CADM2: variants seen among roughly 807,000 people sequenced by gnomAD.
CADM2 encodes the protein cell adhesion molecule 2, also known as immunoglobulin superfamily member 4D.
In CADM2, 12 loss-of-function variants were observed where a neutral mutation model predicts 49.8. The ratio of observed to expected loss-of-function variants is 0.24; its 90% CI spans 0.15 to 0.39. The LOEUF (loss-of-function observed/expected upper bound fraction) is 0.39. Ranked by LOEUF, CADM2 falls within the 10% of genes least tolerant of loss-of-function variation. The probability of loss-of-function intolerance (pLI) is 1.00; values close to 1 mark genes in which losing one functional copy is unlikely to be tolerated. For synonymous variants in CADM2, 214 were observed against 175.4 expected, an observed-to-expected ratio of 1.22 and a Z score of -1.74; for missense variants, 378 against 492.3, an observed-to-expected ratio of 0.77 and a Z score of 2.20.
intron 1 of CADM2, among the ~76,000 whole-genome samples, chr3:85,022,618 A>G (rs1201345934): frequency 6.6e-6 from 1 of 152,086 alleles, no homozygotes; most frequent in African/African-American, 2.4e-5. Flanking sequence ...TGTGCTAGTG[A>G]TGCCTATTAT....
chr3:85,698,664 A>G (rs1233358262), intron 1 of CADM2, among the ~76,000 whole-genome samples: 1 of 152,128 alleles, frequency 6.6e-6, no homozygotes, highest in Admixed American at 6.5e-5. Context: ...GAACAGCACT[A>G]AAAGGATGGT....
intron 1 of CADM2, among the ~76,000 whole-genome samples, chr3:85,601,124 ATG>A (rs10663541): frequency 4.9e-5 from 3 of 61,650 alleles, no homozygotes; most frequent in Non-Finnish European, 9.5e-5. Flanking sequence ...GCATTTATAT[ATG>A]TGTGTATATA....
rs952597701 is a variant in CADM2 at position 85,959,956 on chromosome 3, A to G, written c.792-1513A>G. Among the ~76,000 whole-genome samples, 5 of 151,856 alleles carry G rather than the reference A, an allele frequency of 3.3e-5. No homozygotes were observed. The East Asian group carries it at 9.8e-4, about 30-fold the overall frequency. ...CATATGACTGTATAAACGTCTTAGG[A>G]GTTTCTTGCCAGGAAACTCTTGCAA... On this transcript the variant is annotated intron_variant, in intron 7 of 9. Coordinates refer to ENST00000383699, the MANE Select transcript of CADM2 (RefSeq NM_001167675.2).
chr3:85,284,977 A>T (rs182906750), intron 1 of CADM2, among the ~76,000 whole-genome samples: 1 of 152,220 alleles, frequency 6.6e-6, no homozygotes, highest in East Asian at 1.9e-4. Flanking sequence ...TTCTAGAGAA[A>T]CATGGCAGTG....
chr3:85,568,473 C>CTCTCTCTTTCTTTCTTTCTT lies in CADM2; in HGVS notation c.62-158046_62-158045insCTCTTTCTTTCTTTCTTTCT, dbSNP rs1310030589. On this transcript the variant is annotated intron_variant, in intron 1 of 9. Transcript: ENST00000383699. ...TTTCTTTCTTTCTTTCTCTTTCTCT[C>CTCTCTCTTTCTTTCTTTCTT]TCTTTCTTTCTTTCTTTCTTTCTTT... Among the ~76,000 whole-genome samples the CTCTCTCTTTCTTTCTTTCTT allele has an allele frequency of 2.6e-3, 71 of 27,616 alleles. 6 individuals carry two copies. Among genetic ancestry groups the CTCTCTCTTTCTTTCTTTCTT allele is most frequent in the South Asian group, 5.6e-3 (4 of 720 alleles). The allele number at this position is 27,616 out of a possible 152,430, so 18.1% of individuals were successfully genotyped here. A position where few individuals can be genotyped will look rare whatever the true frequency, so the allele number is the denominator to read the frequency against.
intron 1 of CADM2, among the ~76,000 whole-genome samples, chr3:85,286,996 A>AAAATATATT (rs2043649003): frequency 6.6e-6 from 1 of 152,168 alleles, no homozygotes; most frequent in Non-Finnish European, 1.5e-5. Context: ...CTCATCACAC[A>AAAATATATT]AAATATATTG....
chr3:85,965,224 A>G (rs1414690409), intron 8 of CADM2, among the ~76,000 whole-genome samples: 7 of 149,888 alleles, frequency 4.7e-5, no homozygotes, highest in African/African-American at 1.5e-4. Context: ...AACTGTATGG[A>G]ATGTTTAAAA....
At chr3:85,290,173 G>A (rs1576290356) in intron 1 of CADM2, among the ~76,000 whole-genome samples, 1 of 152,142 alleles carries the variant, frequency 6.6e-6, no homozygotes, top group Non-Finnish European at 1.5e-5. Context: ...TCAAAGAAAG[G>A]GGTGACAGGC....
chr3:85,726,460 G>C (rs369475708), intron 1 of CADM2, 62 bp from the exon 2 acceptor site: 37 of 1,582,346 alleles, frequency 2.3e-5, no homozygotes, highest in Middle Eastern at 1.7e-4. Context: ...TTTCTTACTA[G>C]AGAATCTGTC....
At chr3:86,062,659 G>T (rs1032145629) in intron 8 of CADM2, among the ~76,000 whole-genome samples, 2 of 88,384 alleles carry the variant, frequency 2.3e-5, no homozygotes, top group African/African-American at 5.4e-5. Flanking sequence ...CTATGGTAGC[G>T]GGGCACCTGT....
intron 8 of CADM2, among the ~76,000 whole-genome samples, chr3:86,032,041 A>AT (rs908419608): frequency 3.3e-5 from 5 of 151,488 alleles, no homozygotes; most frequent in African/African-American, 7.3e-5. Context: ...TAACCAAGAT[A>AT]TTTTTTTCTT....
chr3:85,810,163 G>A (rs1357764787), intron 3 of CADM2, among the ~76,000 whole-genome samples: 2 of 152,022 alleles, frequency 1.3e-5, no homozygotes, highest in Non-Finnish European at 2.9e-5. Context: ...AAGGCTTCTG[G>A]TTAAGAGCTA....
intron 1 of CADM2, among the ~76,000 whole-genome samples, chr3:85,229,685 G>T (rs895666894): frequency 5.3e-5 from 8 of 152,162 alleles, no homozygotes; most frequent in African/African-American, 1.9e-4. Context: ...TTAATAACAA[G>T]GATTGATGCC....
intron 3 of CADM2, among the ~76,000 whole-genome samples, chr3:85,877,111 T>C (rs1711974190): frequency 6.6e-6 from 1 of 152,096 alleles, no homozygotes; most frequent in African/African-American, 2.4e-5. Context: ...TTTGAACTGT[T>C]AAATTACCCC....
chr3:85,168,453 G>T (rs543213380), intron 1 of CADM2, among the ~76,000 whole-genome samples: 1 of 152,124 alleles, frequency 6.6e-6, no homozygotes, highest in East Asian at 1.9e-4. Context: ...ATACCTGTGT[G>T]GTATTCCAGT....
At chr3:85,921,031 A>G (rs952771548) in intron 6 of CADM2, among the ~76,000 whole-genome samples, 16 of 151,954 alleles carry the variant, frequency 1.1e-4, no homozygotes, top group African/African-American at 3.6e-4. Context: ...GAATGTATGT[A>G]TAGTACAGAT....
At chr3:85,957,449 G>C (rs528317892) in intron 7 of CADM2, among the ~76,000 whole-genome samples, 1 of 151,034 alleles carries the variant, frequency 6.6e-6, no homozygotes. Flanking sequence ...TTATCTTCCT[G>C]AAGACAGAAA....
At chr3:85,922,022 A>C (rs112784127) in intron 6 of CADM2, among the ~76,000 whole-genome samples, 4,631 of 152,170 alleles carry the variant, frequency 0.03, 162 homozygotes, top group Non-Finnish European at 0.039. Context: ...GTAGTTTGAT[A>C]CTGTGTCTTG....
intron 1 of CADM2, among the ~76,000 whole-genome samples, chr3:85,711,706 T>A (rs1232684470): frequency 6.6e-6 from 1 of 152,182 alleles, no homozygotes; most frequent in Non-Finnish European, 1.5e-5. Context: ...ATGGCTATTA[T>A]AGATATTCAA....
Sources: gnomAD v4.1 joint callset for allele counts (sites outside exome capture counted in the v4.1 genomes callset) on GRCh38, gnomAD v4.1.1 for gene constraint, MANE v1.5 for transcripts, NCBI Gene and HGNC (gene_info 2026-07-23, HGNC 2026-07-21) for gene names.